The following RABL3 variants were observed in gnomAD, a reference collection of about 807,000 sequenced individuals.
RABL3 encodes rab-like protein 3.
Under a neutral mutation model 31.8 loss-of-function variants are expected in RABL3, and 31 were observed. The ratio of observed to expected loss-of-function variants is 0.97; its 90% CI spans 0.73 to 1.31. The LOEUF (loss-of-function observed/expected upper bound fraction) is 1.31. RABL3 is among the 40% of genes most tolerant of loss of function. RABL3 has a pLI of 0.00. For synonymous variants in RABL3, 97 were observed against 99.9 expected, an observed-to-expected ratio of 0.97 and a Z score of 0.18; for missense variants, 263 against 279.6, an observed-to-expected ratio of 0.94 and a Z score of 0.42.
intron 4 of RABL3, among the ~76,000 whole-genome samples, chr3:120,704,320 T>A (rs1708525155): frequency 6.6e-6 from 1 of 152,228 alleles, no homozygotes; most frequent in Admixed American, 6.5e-5. Flanking sequence ...AGCAGCCACA[T>A]GTCCATATCA....
At chr3:120,694,463 A>G (rs1708413836) in intron 5 of RABL3, among the ~76,000 whole-genome samples, 1 of 152,152 alleles carries the variant, frequency 6.6e-6, no homozygotes, top group African/African-American at 2.4e-5. Context: ...CAGTGTATTC[A>G]TCATCAAATA....
At chr3:120,730,625 A>G (rs944293534) in intron 2 of RABL3, 71 bp downstream of exon 2, 11 of 1,038,676 alleles carry the variant, frequency 1.1e-5, no homozygotes, top group Non-Finnish European at 1.6e-5. Flanking sequence ...TAGTACTGTA[A>G]TTTGATCATG....
At chr3:120,705,235 C>T (rs1307932429) in intron 4 of RABL3, among the ~76,000 whole-genome samples, 2 of 152,104 alleles carry the variant, frequency 1.3e-5, no homozygotes, top group African/African-American at 4.8e-5. Flanking sequence ...TTAATTCTCT[C>T]CAATGTGATC....
chr3:120,731,320 G>T (rs1218730613), intron 1 of RABL3, among the ~76,000 whole-genome samples: 2 of 151,924 alleles, frequency 1.3e-5, no homozygotes, highest in African/African-American at 2.4e-5. Context: ...TCAGTGAGAG[G>T]GATTCACCAT....
chr3:120,740,772 A>G (rs144824227), intron 1 of RABL3, among the ~76,000 whole-genome samples: 2,209 of 152,366 alleles, frequency 0.014, 19 homozygotes, highest in Non-Finnish European at 0.025. Flanking sequence ...CTAACTTTGC[A>G]CATAAAGGTT....
chr3:120,705,117 T>G (rs1708534063), intron 4 of RABL3, among the ~76,000 whole-genome samples: 1 of 152,170 alleles, frequency 6.6e-6, no homozygotes, highest in Non-Finnish European at 1.5e-5. Flanking sequence ...TGCACAGGAT[T>G]TGTATGCTGA....
intron 1 of RABL3, among the ~76,000 whole-genome samples, chr3:120,737,088 G>A (rs1281943030): frequency 6.6e-6 from 1 of 152,184 alleles, no homozygotes; most frequent in East Asian, 1.9e-4. Context: ...CTACGTTGGG[G>A]AACTTCTCCT....
intron 1 of RABL3, among the ~76,000 whole-genome samples, chr3:120,741,054 G>A (rs1461634662): frequency 6.6e-6 from 1 of 152,202 alleles, no homozygotes; most frequent in African/African-American, 2.4e-5. Flanking sequence ...GGGATTGTTA[G>A]ATACAATAGA....
At chr3:120,696,754 A>AATTATTTCC (rs1057225712) in intron 5 of RABL3, among the ~76,000 whole-genome samples, 16 of 152,330 alleles carry the variant, frequency 1.1e-4, no homozygotes, top group Admixed American at 1.0e-3. Context: ...ATAATGTTCA[A>AATTATTTCC]AGTAATCTCA....
At position 120,690,496 on chromosome 3, in the gene RABL3, A is replaced by T. The variant is rs773400454; in HGVS notation, c.607-9T>A. The T allele has an allele frequency of 4.4e-6, 7 of 1,602,756 alleles. No homozygotes were observed. The East Asian group carries it at 1.6e-4, about 36-fold the overall frequency. On this transcript the variant is annotated splice_polypyrimidine_tract_variant and intron_variant, in intron 6 of 7. Coordinates refer to ENST00000273375, the MANE Select transcript of RABL3 (RefSeq NM_173825.5). The stretch of plus-strand genomic sequence containing the variant: ...TATCTCTTCTCTATGACCTGTGAAA[A>T]ACAAAGATTTTAAAGGCTTAGCACA...
At chr3:120,713,852 CCAGGCTGGAGTGCAGTGGCATGATTT>C (rs1156641550) in intron 2 of RABL3, among the ~76,000 whole-genome samples, 3 of 149,126 alleles carry the variant, frequency 2.0e-5, no homozygotes, top group Non-Finnish European at 4.4e-5. Context: ...ACTCTGTCAC[CCAGGCTGGAGTGCAGTGGCATGATTT>C]CAGCTCACTG....
rs545606965 is a variant in RABL3 at position 120,704,459 on chromosome 3, C to A, written c.383+1541G>T. ...TGATGTCAACAAAAAAAACCTAAAG[C>A]TGACATCATACTTAATAGTGAAATG... On this transcript the variant is annotated intron_variant, in intron 4 of 7. Coordinates refer to ENST00000273375, the MANE Select transcript of RABL3 (RefSeq NM_173825.5). Among the ~76,000 whole-genome samples the A allele has an allele frequency of 3.9e-5, 6 of 152,264 alleles. No individual in the cohort carries two copies. The South Asian group carries it at 1.2e-3, about 32-fold the overall frequency.
At chr3:120,690,660 G>A (rs533226934) in intron 6 of RABL3, among the ~76,000 whole-genome samples, 173 bp from the exon 7 acceptor site, 2 of 152,266 alleles carry the variant, frequency 1.3e-5, no homozygotes, top group South Asian at 2.1e-4. Context: ...TCAGAATTGT[G>A]AGAGTATTTC....
intron 2 of RABL3, among the ~76,000 whole-genome samples, chr3:120,717,453 T>C (rs767233146): frequency 6.6e-6 from 1 of 152,130 alleles, no homozygotes; most frequent in Non-Finnish European, 1.5e-5. Context: ...AACGTAATTA[T>C]ATGACATTTG....
At chr3:120,696,240 TCTTA>T (rs1443241880) in intron 5 of RABL3, among the ~76,000 whole-genome samples, 1 of 152,226 alleles carries the variant, frequency 6.6e-6, no homozygotes, top group African/African-American at 2.4e-5. Context: ...ATTTGTTAAT[TCTTA>T]CTTTTCTACA....
intron 1 of RABL3, among the ~76,000 whole-genome samples, chr3:120,735,093 T>C (rs548555706): frequency 1.5e-4 from 23 of 152,332 alleles, no homozygotes; most frequent in Admixed American, 9.2e-4. Flanking sequence ...CTTTTTCCGT[T>C]GATTGGAATA....
rs1220433675 is a variant in RABL3, at chr3:120,723,013, G to T, written c.138+7683C>A. Among the ~76,000 whole-genome samples the T allele has an allele frequency of 9.2e-5, 14 of 152,236 alleles. No individual in the cohort carries two copies. The East Asian group carries it at 2.7e-3, about 29-fold the overall frequency. ...AAAAAATCAATGAATCCAGGAGCTG[G>T]TTTTTTGAAAAGATCAACAAAATTG... On this transcript the variant is annotated intron_variant, in intron 2 of 7. Coordinates refer to ENST00000273375, the MANE Select transcript of RABL3 (RefSeq NM_173825.5).
At chr3:120,693,905 A>G (rs1312630096) in intron 6 of RABL3, among the ~76,000 whole-genome samples, 6 of 152,158 alleles carry the variant, frequency 3.9e-5, no homozygotes, top group Admixed American at 3.9e-4. Flanking sequence ...GAGGAATTAG[A>G]TATCTTTTTA....
chr3:120,708,388 A>G (rs1410346503), intron 3 of RABL3, among the ~76,000 whole-genome samples: 1 of 152,048 alleles, frequency 6.6e-6, no homozygotes, highest in African/African-American at 2.4e-5. Context: ...AGCACTTACA[A>G]GTTTACAACT....
Sources: allele counts gnomAD v4.1 joint callset (sites outside exome capture counted in the v4.1 genomes callset), GRCh38; gene constraint gnomAD v4.1.1; transcripts MANE v1.5; gene names NCBI Gene and HGNC (gene_info 2026-07-23, HGNC 2026-07-21).